UBAC2: variants seen among roughly 807,000 people sequenced by gnomAD.
UBAC2 encodes ubiquitin-associated domain-containing protein 2.
Under a neutral mutation model 44.0 loss-of-function variants are expected in UBAC2, and 26 were observed. The observed-to-expected ratio is 0.59, with a 90% CI of 0.43 to 0.82. UBAC2 has a LOEUF of 0.82. Ranked by LOEUF, UBAC2 falls within the 40% of genes least tolerant of loss-of-function variation. The pLI is 0.00. For synonymous variants in UBAC2, 155 were observed against 154.3 expected, an observed-to-expected ratio of 1.00 and a Z score of -0.04; for missense variants, 329 against 419.4, an observed-to-expected ratio of 0.78 and a Z score of 1.88.
intron 1 of UBAC2, among the ~76,000 whole-genome samples, chr13:99,220,601 T>G (rs1428480169): frequency 6.6e-6 from 1 of 152,226 alleles, no homozygotes; most frequent in African/African-American, 2.4e-5. Context: ...GCATTTTTAC[T>G]TTTAGATTAA....
chr13:99,306,763 A>G (rs2044342864), intron 4 of UBAC2, among the ~76,000 whole-genome samples: 5 of 152,142 alleles, frequency 3.3e-5, no homozygotes, highest in Admixed American at 2.0e-4. Flanking sequence ...TTATCTAATT[A>G]GTAGTATTTA....
intron 7 of UBAC2, among the ~76,000 whole-genome samples, chr13:99,366,628 ATTTT>A (rs5806111): frequency 6.6e-6 from 1 of 151,424 alleles, no homozygotes; most frequent in African/African-American, 2.4e-5. Flanking sequence ...TTTTAGTTTG[ATTTT>A]TTTTTCATCC....
intron 1 of UBAC2, among the ~76,000 whole-genome samples, chr13:99,219,450 C>T (rs917270718): frequency 2.0e-5 from 3 of 152,188 alleles, no homozygotes; most frequent in Admixed American, 6.5e-5. Context: ...CATTTTATCA[C>T]GCCAGAAAGA....
At chr13:99,366,995 TAG>T (rs1237688546) in intron 7 of UBAC2, among the ~76,000 whole-genome samples, 1 of 152,222 alleles carries the variant, frequency 6.6e-6, no homozygotes, top group Admixed American at 6.5e-5. Context: ...CTTCTAGAAA[TAG>T]AGATTTAAAT....
At chr13:99,212,178 C>T (rs1458754941) in intron 1 of UBAC2, among the ~76,000 whole-genome samples, 1 of 152,156 alleles carries the variant, frequency 6.6e-6, no homozygotes, top group Non-Finnish European at 1.5e-5. Flanking sequence ...ACCTATCTTA[C>T]ATCAAGCAAT....
In UBAC2 at chr13:99,231,123, T is replaced by TA. The variant is rs2043167868; in HGVS notation, c.32-7304_32-7303insA. On this transcript the variant is annotated intron_variant, in intron 1 of 8. Coordinates refer to ENST00000403766, the MANE Select transcript of UBAC2 (RefSeq NM_001144072.2). ...GTAGTCTCATCTCAAGGACATCTGA[T>TA]TAGCAACCTCAATTCTGTCTGCAAC... is the stretch of plus-strand genomic sequence containing the variant. Among the ~76,000 whole-genome samples, 3 of 152,182 alleles carry TA rather than the reference T, an allele frequency of 2.0e-5. No individual in the cohort carries two copies. The South Asian group carries it at 6.2e-4, about 31-fold the overall frequency.
At chr13:99,237,265 T>TACACAC (rs778879715) in intron 1 of UBAC2, among the ~76,000 whole-genome samples, 6,156 of 113,878 alleles carry the variant, frequency 0.054, 159 homozygotes, top group East Asian at 0.13. Flanking sequence ...TATATATATA[T>TACACAC]ATATATACAC....
At chr13:99,271,788 C>T (rs1461726939) in intron 4 of UBAC2, among the ~76,000 whole-genome samples, 2 of 152,144 alleles carry the variant, frequency 1.3e-5, no homozygotes, top group Admixed American at 6.5e-5. Context: ...CCATGTCCCC[C>T]AGCTCACAAA....
Position 99,368,883 on chromosome 13 carries a change from G to A in UBAC2, c.927+977G>A, listed in dbSNP as rs891811428. Among the ~76,000 whole-genome samples the A allele has an allele frequency of 2.6e-4, 40 of 152,224 alleles. 2 individuals are homozygous for A. Among genetic ancestry groups the A allele is most frequent in the Admixed American group, 1.6e-3 (24 of 15,296 alleles). On this transcript the variant is annotated intron_variant, in intron 8 of 8. Transcript: ENST00000403766. ...CGGTGGATTCCAGGCCCAGTGTAGG[G>A]AACGTACAGGATAGCCCTGGATCAT... is the stretch of plus-strand genomic sequence containing the variant.
At chr13:99,248,686 T>TTTTG (rs1161150126) in intron 4 of UBAC2, among the ~76,000 whole-genome samples, 4 of 151,674 alleles carry the variant, frequency 2.6e-5, no homozygotes, top group African/African-American at 9.7e-5. Flanking sequence ...TCCGGCCATT[T>TTTTG]TTTGTTTGTT....
chr13:99,220,668 T>A (rs2043043462), intron 1 of UBAC2, among the ~76,000 whole-genome samples: 1 of 152,208 alleles, frequency 6.6e-6, no homozygotes, highest in African/African-American at 2.4e-5. Flanking sequence ...GGTAAAAGGA[T>A]CTCCTGCAGA....
chr13:99,220,898 G>C (rs1437232108), intron 1 of UBAC2, among the ~76,000 whole-genome samples: 1 of 151,846 alleles, frequency 6.6e-6, no homozygotes, highest in Non-Finnish European at 1.5e-5. Flanking sequence ...AAAAAATTAA[G>C]ATCTCCCATG....
chr13:99,352,182 T>C (rs940145306), intron 7 of UBAC2, among the ~76,000 whole-genome samples: 1 of 152,242 alleles, frequency 6.6e-6, no homozygotes, highest in African/African-American at 2.4e-5. Flanking sequence ...GTCCTTGATG[T>C]ATTTTTTAGC....
intron 1 of UBAC2, among the ~76,000 whole-genome samples, chr13:99,207,689 C>T (rs1374120355): frequency 2.6e-5 from 4 of 152,182 alleles, no homozygotes; most frequent in African/African-American, 9.7e-5. Context: ...CTAAGGTCCA[C>T]TGGTGTCAGC....
intron 4 of UBAC2, among the ~76,000 whole-genome samples, chr13:99,262,235 G>T (rs966042227): frequency 6.6e-6 from 1 of 152,106 alleles, no homozygotes; most frequent in African/African-American, 2.4e-5. Context: ...TGAGCCTAAT[G>T]TATAAGTTAA....
intron 4 of UBAC2, among the ~76,000 whole-genome samples, chr13:99,274,255 G>A (rs1373891508): frequency 6.6e-6 from 1 of 151,796 alleles, no homozygotes; most frequent in Non-Finnish European, 1.5e-5. Flanking sequence ...CTGTGTTGCT[G>A]TATGTACCTG....
chr13:99,232,399 G>GAGATATATATATATATATATAT lies in UBAC2; in HGVS notation c.32-6027_32-6026insGATATATATATATATATATATA, dbSNP rs1367302629. On this transcript the variant is annotated intron_variant, in intron 1 of 8. Coordinates refer to ENST00000403766, the MANE Select transcript of UBAC2 (RefSeq NM_001144072.2). ...AGACCCTGTCCATCCTTAGTTGAGA[G>GAGATATATATATATATATATAT]ATATAGATATATATATATATATTCA... Among the ~76,000 whole-genome samples the GAGATATATATATATATATATAT allele has an allele frequency of 7.7e-4, 85 of 109,950 alleles. 1 individual carries two copies. Among genetic ancestry groups the GAGATATATATATATATATATAT allele is most frequent in the East Asian group, 1.5e-3 (5 of 3,402 alleles). The allele number at this position is 109,950 out of a possible 152,430, so 72.1% of individuals were successfully genotyped here. A position where few individuals can be genotyped will look rare whatever the true frequency, so the allele number is the denominator to read the frequency against.
intron 7 of UBAC2, among the ~76,000 whole-genome samples, chr13:99,358,672 A>G (rs985096238): frequency 3.9e-5 from 6 of 152,160 alleles, no homozygotes; most frequent in African/African-American, 1.4e-4. Flanking sequence ...CTAACTCTGG[A>G]GCCACCCCGG....
intron 7 of UBAC2, among the ~76,000 whole-genome samples, chr13:99,355,777 G>T (rs1050160038): frequency 6.6e-6 from 1 of 152,174 alleles, no homozygotes; most frequent in Admixed American, 6.5e-5. Flanking sequence ...AAGCCCCCCC[G>T]CAGCTGCCCA....
Sources: gnomAD v4.1 joint callset for allele counts (sites outside exome capture counted in the v4.1 genomes callset) on GRCh38, gnomAD v4.1.1 for gene constraint, MANE v1.5 for transcripts, NCBI Gene and HGNC (gene_info 2026-07-23, HGNC 2026-07-21) for gene names.